The following GRIN3A variants were observed in gnomAD, a reference collection of about 807,000 sequenced individuals.
The protein encoded by GRIN3A is glutamate ionotropic receptor NMDA type subunit 3A.
GRIN3A carries 47 observed loss-of-function variants against 92.4 expected under a neutral mutation model. The ratio of observed to expected loss-of-function variants is 0.51; its 90% CI spans 0.40 to 0.65. The LOEUF is 0.65. GRIN3A is among the 30% of genes least tolerant of loss of function. GRIN3A has a pLI of 0.00. For synonymous variants in GRIN3A, 527 were observed against 540.6 expected (o/e 0.97, Z 0.35); for missense variants, 1,324 against 1,393.1 (o/e 0.95, Z 0.79).
In GRIN3A at chr9:101,613,627, G is replaced by T. The variant is rs1048047052; in HGVS notation, c.2615-100C>A. 1.5e-5 allele frequency: 17 copies of T among 1,115,462 alleles called. No individual in the cohort carries two copies. The African/African-American group carries it at 2.6e-4, about 17-fold the overall frequency. 69.1% of individuals were successfully genotyped at this position (1,115,462 alleles called of 1,614,324 possible). A position where few individuals can be genotyped will look rare whatever the true frequency, so the allele number is the denominator to read the frequency against. On this transcript the variant is annotated intron_variant, in intron 5 of 8. Transcript: ENST00000361820. ...TGATACTGCCATCAGACCAAAAAAA[G>T]GGCGTGATGAGTTTTCATCAACTTT... is the stretch of plus-strand genomic sequence containing the variant.
intron 6 of GRIN3A, among the ~76,000 whole-genome samples, chr9:101,612,645 T>G (rs950061630): frequency 6.6e-6 from 1 of 152,180 alleles, no homozygotes; most frequent in Non-Finnish European, 1.5e-5. Context: ...TATATTTGGC[T>G]CCTCTTTTAA....
intron 1 of GRIN3A, among the ~76,000 whole-genome samples, chr9:101,725,402 A>T (rs1830071936): frequency 6.6e-6 from 1 of 152,232 alleles, no homozygotes; most frequent in Admixed American, 6.5e-5. Context: ...GAATGGGGCT[A>T]TGAGAAATAT....
intron 3 of GRIN3A, among the ~76,000 whole-genome samples, chr9:101,669,104 G>A (rs1238697365): frequency 2.0e-5 from 3 of 152,058 alleles, no homozygotes; most frequent in African/African-American, 7.2e-5. Context: ...TCTACTTAAT[G>A]TATCCTACAT....
chr9:101,639,621 A>G (rs1564132716), intron 3 of GRIN3A, among the ~76,000 whole-genome samples: 1 of 152,358 alleles, frequency 6.6e-6, no homozygotes, highest in East Asian at 1.9e-4. Context: ...CCTCCAGTCT[A>G]GTGATGTAAG....
intron 1 of GRIN3A, among the ~76,000 whole-genome samples, chr9:101,711,339 T>A (rs1829875038): frequency 6.6e-6 from 1 of 152,144 alleles, no homozygotes. Flanking sequence ...GATTCACACA[T>A]CCCGATAGGT....
At position 101,737,583 on chromosome 9, in the gene GRIN3A, C is replaced by A; in HGVS notation, c.397G>T (p.Asp133Tyr). ...AGCCCTTCCACGCGGTTCAGGTTGT[C>A]CACGGCAAATAGGAGGGCGTCCCGT... is the stretch of plus-strand genomic sequence containing the variant. ...WPRDALLFAV[D>Y]NLNRVEGLLP... Residue 133 changes from aspartate (D) to tyrosine (Y), a missense_variant, in exon 1 of 9, where the codon GAC (aspartate) becomes TAC (tyrosine). Physicochemically the swap from Asp to Tyr is radical, Grantham distance 160. Transcript: ENST00000361820. The A allele has an allele frequency of 6.2e-7, 1 of 1,614,086 alleles. No individual in the cohort carries two copies.
intron 6 of GRIN3A, among the ~76,000 whole-genome samples, chr9:101,605,296 T>C (rs1828263961): frequency 7.2e-5 from 11 of 152,242 alleles, no homozygotes; most frequent in Admixed American, 6.5e-4. Context: ...GCACCTACTG[T>C]GTGTCAGCAC....
At chr9:101,665,610 C>T (rs2118941177) in intron 3 of GRIN3A, among the ~76,000 whole-genome samples, 1 of 151,828 alleles carries the variant, frequency 6.6e-6, no homozygotes, top group East Asian at 2.0e-4. Flanking sequence ...TAGAGTGTGG[C>T]CATTACTCCA....
At chr9:101,671,615 C>T (rs1302154078) in intron 2 of GRIN3A, among the ~76,000 whole-genome samples, 2 of 152,182 alleles carry the variant, frequency 1.3e-5, no homozygotes, top group Non-Finnish European at 2.9e-5. Context: ...TGCTTAAACA[C>T]TGCATTCATA....
intron 1 of GRIN3A, among the ~76,000 whole-genome samples, chr9:101,728,894 C>G (rs1168807234): frequency 6.6e-6 from 1 of 152,092 alleles, no homozygotes; most frequent in East Asian, 1.9e-4. Context: ...TTCTGAAAGC[C>G]CTGGCCTATA....
chr9:101,609,267 T>C (rs188726531), intron 6 of GRIN3A, among the ~76,000 whole-genome samples: 4 of 152,332 alleles, frequency 2.6e-5, no homozygotes, highest in Admixed American at 2.0e-4. Flanking sequence ...TTTCTGGTAA[T>C]ATTTCTTTAC....
At chr9:101,620,867 T>C (rs1379367333) in intron 5 of GRIN3A, among the ~76,000 whole-genome samples, 2 of 152,160 alleles carry the variant, frequency 1.3e-5, no homozygotes, top group East Asian at 1.9e-4. Context: ...GGATAGCATA[T>C]ATTTTTAACA....
rs901072850 is a variant in GRIN3A, at chr9:101,570,614, C to T, written c.*2560G>A. ...TGCTGTCAGCCCCTGCTGCTGCTTG[C>T]TGCATCCTGGCCAGTGTTTTGGCCA... On this transcript the variant is annotated 3_prime_UTR_variant, in exon 9 of 9. Transcript: ENST00000361820. The T allele has an allele frequency of 7.2e-5, 11 of 152,614 alleles. No homozygotes were observed. Among genetic ancestry groups the T allele is most frequent in the African/African-American group, 2.7e-4 (11 of 41,446 alleles). 9.5% of individuals were successfully genotyped at this position (152,614 alleles called of 1,614,324 possible). A position where few individuals can be genotyped will look rare whatever the true frequency, so the allele number is the denominator to read the frequency against.
At chr9:101,638,695 A>G (rs1052738284) in intron 3 of GRIN3A, among the ~76,000 whole-genome samples, 1 of 152,232 alleles carries the variant, frequency 6.6e-6, no homozygotes, top group Admixed American at 6.5e-5. Context: ...AATCCTTAGA[A>G]TAGCTAACCA....
At position 101,737,964 on chromosome 9, in the gene GRIN3A, A is replaced by G. The variant is rs1830240220; in HGVS notation, c.16T>C (p.Leu6=). ...CAGACCCTGCTCAGCAGCCACCACA[A>G]ACTCAGTCTCCTCATTACTGAGACC... MRRLS[L]WWLLSRVCLL... Residue 6 remains leucine, a synonymous_variant, in exon 1 of 9, where the codon TTG becomes CTG. Transcript: ENST00000361820. The G allele has an allele frequency of 2.0e-6, 3 of 1,536,512 alleles. No individual in the cohort carries two copies. The highest frequency in any genetic ancestry group is 2.7e-5 in the African/African-American group (2 of 73,182).
At position 101,670,626 on chromosome 9, in the gene GRIN3A, C is replaced by A. The variant is rs777855692; in HGVS notation, c.1786G>T (p.Asp596Tyr). ...TTTCCATCCCCTACAATATAGAGGT[C>A]GAAGTCAAAGTTCATGTCTTCTGCT... ...KIAEDMNFDF[D>Y]LYIVGDGKYG... Residue 596 changes from aspartate to tyrosine, a missense_variant, in exon 3 of 9, where the codon GAC (aspartate) becomes TAC (tyrosine). Asp to Tyr is a radical substitution (Grantham distance 160). Coordinates refer to ENST00000361820, the MANE Select transcript of GRIN3A (RefSeq NM_133445.3). 1 of 1,613,848 alleles carries A rather than the reference C, an allele frequency of 6.2e-7. No homozygotes were observed. Among genetic ancestry groups the A allele is most frequent in the African/African-American group, 1.3e-5 (1 of 74,900 alleles).
In GRIN3A at chr9:101,737,809, G is replaced by A; in HGVS notation, c.171C>T (p.Pro57=). 6.5e-7 allele frequency: 1 copy of A among 1,531,848 alleles called. No homozygotes were observed. Among genetic ancestry groups the A allele is most frequent in the East Asian group, 2.5e-5 (1 of 40,752 alleles). 94.9% of individuals were successfully genotyped at this position (1,531,848 alleles called of 1,614,324 possible). ...TGGCCGCGCGGGGGGCGGTGGTCCAGGGCTGCAAGTGCACCGCGCCCACCC... is the reference window on the plus strand; with the variant it reads ...TGGCCGCGCGGGGGGCGGTGGTCCAAGGCTGCAAGTGCACCGCGCCCACCC... ...AVRVGAVHLQ[P]WTTAPRAASR... The change falls in exon 1 of 9, where the codon CCC becomes CCT. Residue 57 remains proline, a synonymous_variant. Transcript: ENST00000361820.
intron 1 of GRIN3A, among the ~76,000 whole-genome samples, chr9:101,720,899 G>A (rs1029093790): frequency 2.6e-5 from 4 of 152,070 alleles, no homozygotes; most frequent in Non-Finnish European, 5.9e-5. Flanking sequence ...ATGAAAACTA[G>A]GCTCAATACA....
chr9:101,607,058 T>G (rs1375955702), intron 6 of GRIN3A, among the ~76,000 whole-genome samples: 13 of 151,804 alleles, frequency 8.6e-5, no homozygotes, highest in Non-Finnish European at 1.5e-5. Context: ...TGAGGTCAAT[T>G]TAAAATTCCT....
Sources: allele counts gnomAD v4.1 joint callset (sites outside exome capture counted in the v4.1 genomes callset), GRCh38; gene constraint gnomAD v4.1.1; transcripts MANE v1.5; gene names NCBI Gene and HGNC (gene_info 2026-07-23, HGNC 2026-07-21).